Variants in NEDD4 observed in about 807,000 individuals in gnomAD.
NEDD4 encodes E3 ubiquitin-protein ligase NEDD4.
A neutral mutation model predicts 144.9 loss-of-function variants in NEDD4; 99 were observed. The observed-to-expected ratio is 0.68, with a 90% confidence interval of 0.58 to 0.81. The LOEUF is 0.81. NEDD4 is among the 30% of genes least tolerant of loss of function. The pLI, the probability that NEDD4 is intolerant of heterozygous loss-of-function variation, is 0.00. For synonymous variants in NEDD4, 318 were observed against 350.6 expected, an observed-to-expected ratio of 0.91 and a Z score of 1.04; for missense variants, 985 against 1,065.9, an observed-to-expected ratio of 0.92 and a Z score of 1.06.
intron 4 of NEDD4, among the ~76,000 whole-genome samples, chr15:55,935,132 T>C (rs952047395): frequency 1.3e-5 from 2 of 152,148 alleles, no homozygotes; most frequent in Non-Finnish European, 2.9e-5. Flanking sequence ...CCTCCCAAAG[T>C]AGTGGGATTA....
At chr15:55,984,537 A>G (rs2037858839) in intron 1 of NEDD4, among the ~76,000 whole-genome samples, 1 of 152,236 alleles carries the variant, frequency 6.6e-6, no homozygotes, top group Non-Finnish European at 1.5e-5. Flanking sequence ...TACTTTCACT[A>G]AAGCATCTTT....
At chr15:55,872,271 T>A in intron 7 of NEDD4, 144 bp downstream of exon 7, 1 of 231,322 alleles carries the variant, frequency 4.3e-6, no homozygotes, top group Non-Finnish European at 8.6e-6. Context: ...AATGAAGCTT[T>A]TAAAATAATA....
intron 5 of NEDD4, among the ~76,000 whole-genome samples, chr15:55,887,471 G>A (rs1365532932): frequency 6.6e-6 from 1 of 152,102 alleles, no homozygotes; most frequent in African/African-American, 2.4e-5. Context: ...CCAATAACAA[G>A]TAATGAGATT....
chr15:55,836,054 C>T (rs1395838024), intron 24 of NEDD4, among the ~76,000 whole-genome samples: 2 of 152,102 alleles, frequency 1.3e-5, no homozygotes, highest in African/African-American at 2.4e-5. Flanking sequence ...GTGGGTACAG[C>T]CTACCTTATT....
At position 55,828,972 on chromosome 15, in the gene NEDD4, T is replaced by C. The variant is rs1488072235; in HGVS notation, c.*925A>G. On this transcript the variant is annotated 3_prime_UTR_variant, in exon 29 of 29. Transcript: ENST00000435532. ...CTGTAAACATACATTTACTACATAA[T>C]TGTACAAGTGTAAAGAATATCTAGT... is the stretch of plus-strand genomic sequence containing the variant. 6.6e-6 allele frequency: 1 copy of C among 152,626 alleles called. No individual in the cohort carries two copies. The highest frequency in any genetic ancestry group is 1.9e-4 in the East Asian group (1 of 5,204). The allele number at this position is 152,626 out of a possible 1,614,324, so 9.5% of individuals were successfully genotyped here.
At chr15:55,856,845 A>G (rs1224336968) in intron 11 of NEDD4, among the ~76,000 whole-genome samples, 1 of 152,148 alleles carries the variant, frequency 6.6e-6, no homozygotes, top group Admixed American at 6.6e-5. Context: ...ACTATCTGAA[A>G]TATCTTAGTT....
At chr15:55,845,134 T>A (rs1163691022) in intron 18 of NEDD4, among the ~76,000 whole-genome samples, 1 of 152,256 alleles carries the variant, frequency 6.6e-6, no homozygotes, top group Non-Finnish European at 1.5e-5. Flanking sequence ...CTCCTCTTCA[T>A]GATCTTGGTC....
intron 5 of NEDD4, among the ~76,000 whole-genome samples, chr15:55,900,356 G>C (rs1177967451): frequency 6.6e-6 from 1 of 152,172 alleles, no homozygotes; most frequent in Non-Finnish European, 1.5e-5. Context: ...GAAGAGAAGA[G>C]CTAAGTCAGT....
chr15:55,903,741 C>T (rs556907060), intron 5 of NEDD4, among the ~76,000 whole-genome samples: 2 of 148,764 alleles, frequency 1.3e-5, no homozygotes, highest in East Asian at 2.0e-4. Flanking sequence ...AGGAGAATGG[C>T]GTGAACCCGG....
intron 5 of NEDD4, among the ~76,000 whole-genome samples, chr15:55,879,275 A>G (rs1026737014): frequency 6.6e-6 from 1 of 152,208 alleles, no homozygotes; most frequent in African/African-American, 2.4e-5. Context: ...CTAATACCAA[A>G]CAATAAGGAC....
intron 4 of NEDD4, among the ~76,000 whole-genome samples, chr15:55,927,700 T>C (rs552370377): frequency 6.6e-6 from 1 of 152,206 alleles, no homozygotes; most frequent in South Asian, 2.1e-4. Context: ...AATGACATAA[T>C]TTAGGTCACA....
chr15:55,925,770 C>G (rs1192076320), intron 4 of NEDD4, among the ~76,000 whole-genome samples: 1 of 152,106 alleles, frequency 6.6e-6, no homozygotes, highest in East Asian at 1.9e-4. Flanking sequence ...CCTAGTTTTA[C>G]CTACAGCCAC....
intron 12 of NEDD4, among the ~76,000 whole-genome samples, chr15:55,855,276 A>G (rs192651287): frequency 6.6e-6 from 1 of 152,274 alleles, no homozygotes; most frequent in East Asian, 1.9e-4. Context: ...TGATATCTAG[A>G]CTGCCATTCA....
At chr15:55,937,832 T>C (rs1388735258) in intron 4 of NEDD4, among the ~76,000 whole-genome samples, 2 of 152,048 alleles carry the variant, frequency 1.3e-5, no homozygotes, top group Non-Finnish European at 2.9e-5. Flanking sequence ...ATCCTAAAAT[T>C]CATACAGAAC....
chr15:55,872,625 A>T (rs1171773652), intron 6 of NEDD4, 149 bp from the exon 7 acceptor site: 3 of 366,826 alleles, frequency 8.2e-6, no homozygotes, highest in Non-Finnish European at 1.5e-5. Context: ...CTAACTTGAC[A>T]GTGCTTTCAC....
intron 5 of NEDD4, among the ~76,000 whole-genome samples, chr15:55,894,161 C>G (rs191660381): frequency 6.6e-6 from 1 of 152,092 alleles, no homozygotes; most frequent in African/African-American, 2.4e-5. Flanking sequence ...GTAGATCTGA[C>G]TATAAGACAT....
intron 2 of NEDD4, among the ~76,000 whole-genome samples, chr15:55,958,911 C>T (rs62045211): frequency 0.21 from 25,468 of 123,140 alleles, 2,474 homozygotes; most frequent in Non-Finnish European, 0.25. Context: ...TTCTCTCTAA[C>T]TCTTGATCAT....
intron 4 of NEDD4, among the ~76,000 whole-genome samples, chr15:55,945,723 T>A (rs1029956111): frequency 1.3e-5 from 2 of 149,620 alleles, no homozygotes; most frequent in African/African-American, 4.9e-5. Context: ...TTCACCAACG[T>A]TGAAATGAAG....
chr15:55,851,429 G>A (rs972230689), intron 13 of NEDD4, among the ~76,000 whole-genome samples: 5 of 150,596 alleles, frequency 3.3e-5, no homozygotes, highest in Non-Finnish European at 5.9e-5. Context: ...GTGTTCTCTC[G>A]TTGCAAAATT....
Sources: gnomAD v4.1 joint callset for allele counts (sites outside exome capture counted in the v4.1 genomes callset) on GRCh38, gnomAD v4.1.1 for gene constraint, MANE v1.5 for transcripts, NCBI Gene and HGNC (gene_info 2026-07-23, HGNC 2026-07-21) for gene names.